The following LRRK1 variants were observed in gnomAD, a reference collection of about 807,000 sequenced individuals.
LRRK1 encodes leucine-rich repeat serine/threonine-protein kinase 1.
Under a neutral mutation model 209.1 loss-of-function variants are expected in LRRK1, and 113 were observed. The ratio of observed to expected loss-of-function variants is 0.54; its 90% CI spans 0.46 to 0.63. LRRK1 has a LOEUF of 0.63. Among genes scored for constraint, LRRK1 ranks in the 30% least tolerant of loss-of-function variants. The pLI is 0.00. For missense variants in LRRK1, 2,284 were observed against 2,632.2 expected (o/e 0.87, Z 2.89); for synonymous variants, 1,144 against 1,099.7 (o/e 1.04, Z -0.80).
chr15:101,053,838 C>T (rs1047280441), intron 26 of LRRK1, among the ~76,000 whole-genome samples: 9 of 152,062 alleles, frequency 5.9e-5, no homozygotes, highest in Admixed American at 1.3e-4. Flanking sequence ...CATAAAATGT[C>T]GAAGTAATTT....
At chr15:101,009,155 G>T (rs2033119497) in intron 7 of LRRK1, 92 bp downstream of exon 7, 2 of 1,044,922 alleles carry the variant, frequency 1.9e-6, no homozygotes, top group Non-Finnish European at 2.8e-6. Context: ...TTGTGGTTTT[G>T]GGGGAAAAAT....
rs1183751433 is a variant in LRRK1 at position 101,022,699 on chromosome 15, G to A, written c.2067+102G>A. The A allele has an allele frequency of 7.2e-6, 6 of 837,812 alleles. No individual in the cohort carries two copies. The highest frequency in any genetic ancestry group is 9.2e-6 in the Non-Finnish European group (5 of 543,292). 51.9% of individuals were successfully genotyped at this position (837,812 alleles called of 1,614,324 possible). A position where few individuals can be genotyped will look rare whatever the true frequency, so the allele number is the denominator to read the frequency against. ...GAGCCCAGGATTTTCTCAGCCTGGT[G>A]TCCAAAGCTCAGGCCCTTTGCAGGA... is the stretch of plus-strand genomic sequence containing the variant. On this transcript the variant is annotated intron_variant, in intron 15 of 33. Coordinates refer to ENST00000388948, the MANE Select transcript of LRRK1 (RefSeq NM_024652.6). The surrounding 1 kb of genome is among the most constrained non-coding windows in gnomAD (Gnocchi z 4.0).
Position 101,033,048 on chromosome 15 carries a change from T to A in LRRK1, c.2963+3816T>A, listed in dbSNP as rs564975480. ...GTTTCCCTGGTCCAAAGTCAAGGGG[T>A]CAGCAGGATCATGCTGCCTCTGAAG... On this transcript the variant is annotated intron_variant, in intron 20 of 33. Transcript: ENST00000388948. Among the ~76,000 whole-genome samples, 19 of 152,268 alleles carry A rather than the reference T, an allele frequency of 1.2e-4. No individual in the cohort carries two copies. In the South Asian group the frequency reaches 3.9e-3, roughly 32 times the overall value.
intron 3 of LRRK1, among the ~76,000 whole-genome samples, chr15:100,975,051 A>G (rs2031209305): frequency 6.6e-6 from 1 of 152,230 alleles, no homozygotes; most frequent in Non-Finnish European, 1.5e-5. Context: ...ATGCTTGGGA[A>G]TTGTTAAGCA....
In LRRK1 at chr15:101,046,023, C is replaced by T. The variant is rs374354572; in HGVS notation, c.3006C>T (p.Asp1002=). 3.5e-4 allele frequency: 557 copies of T among 1,614,190 alleles called. 1 individual carries two copies. The African/African-American group carries it at 6.4e-3, about 19-fold the overall frequency. ...TCCTTCCATCTAAACCTGGCCTGGACACCCACGGTATGCGGCACCCCACAG... is the reference window on the plus strand; with the variant it reads ...TCCTTCCATCTAAACCTGGCCTGGATACCCACGGTATGCGGCACCCCACAG... ...PHLLPSKPGL[D]THGMRHPTAN... is the part of the protein sequence containing the mutation. The change falls in exon 21 of 34, where the codon GAC becomes GAT. Residue 1002 remains aspartate, a synonymous_variant. Coordinates refer to ENST00000388948, the MANE Select transcript of LRRK1 (RefSeq NM_024652.6).
chr15:101,053,244 G>C lies in LRRK1; in HGVS notation c.3878G>C (p.Arg1293Pro). Reference protein sequence around the residue: ...VPADTMLRHLRATDAMKNFSE... With the variant: ...VPADTMLRHLPATDAMKNFSE... ...GCAGACACCATGCTGAGGCACCTGC[G>C]GGCCACCGATGCCATGAAGAACTTC... The change falls in exon 26 of 34, where the codon CGG becomes CCG. Residue 1293 changes from arginine to proline, a missense_variant. Physicochemically the swap from Arg to Pro is moderately radical, Grantham distance 103. Around this residue, in one of 6 missense-constraint regions of LRRK1, gnomAD observed 780 missense variants for 985.2 expected, o/e 0.79. Transcript: ENST00000388948. 1 of 1,606,326 alleles carries C rather than the reference G, an allele frequency of 6.2e-7. No individual in the cohort carries two copies. Among genetic ancestry groups the C allele is most frequent in the Non-Finnish European group, 8.5e-7 (1 of 1,179,952 alleles).
At chr15:100,934,598 T>G (rs2042262169) in intron 2 of LRRK1, among the ~76,000 whole-genome samples, 1 of 120,874 alleles carries the variant, frequency 8.3e-6, no homozygotes, top group South Asian at 2.7e-4. Context: ...GAGACCAGCC[T>G]GGCCAACATG....
chr15:101,033,262 C>G (rs919422980), intron 20 of LRRK1, among the ~76,000 whole-genome samples: 2 of 152,018 alleles, frequency 1.3e-5, no homozygotes, highest in Non-Finnish European at 2.9e-5. Flanking sequence ...AGTATTTATC[C>G]TTTCTATGTG....
intron 2 of LRRK1, among the ~76,000 whole-genome samples, chr15:100,973,561 C>T (rs1244248259): frequency 6.6e-6 from 1 of 152,176 alleles, no homozygotes; most frequent in African/African-American, 2.4e-5. Context: ...CTCCAGGTGG[C>T]GGTCTCGCTG....
rs553723294 is a variant in LRRK1, at chr15:101,026,748, C to G, written c.2406-513C>G. 1.6e-4 allele frequency among the ~76,000 whole-genome samples: 24 copies of G among 152,376 alleles called. No individual in the cohort carries two copies. The South Asian group carries it at 5.0e-3, about 32-fold the overall frequency. The stretch of plus-strand genomic sequence containing the variant: ...TGTGCCCTAATGGGAGTAAAATACA[C>G]TGCATATTGCATTATCTGCACTGAT... On this transcript the variant is annotated intron_variant, in intron 17 of 33. Transcript: ENST00000388948.
intron 2 of LRRK1, 111 bp from the exon 3 acceptor site, chr15:100,973,693 C>T: frequency 9.1e-7 from 1 of 1,097,788 alleles, no homozygotes; most frequent in Non-Finnish European, 1.2e-6. Flanking sequence ...TCCTGAAGCC[C>T]CCGCGATCGT....
chr15:100,930,826 T>G (rs1253966378), intron 2 of LRRK1, among the ~76,000 whole-genome samples: 2 of 152,208 alleles, frequency 1.3e-5, no homozygotes, highest in African/African-American at 4.8e-5. Context: ...CACTAGGGAT[T>G]TTTATGAAAT....
At position 101,022,301 on chromosome 15, in the gene LRRK1, T is replaced by G; in HGVS notation, c.1853-82T>G. The G allele has an allele frequency of 1.5e-6, 2 of 1,318,520 alleles. No homozygotes were observed. Among genetic ancestry groups the G allele is most frequent in the East Asian group, 2.3e-5 (1 of 43,136 alleles). The allele number at this position is 1,318,520 out of a possible 1,614,324, so 81.7% of individuals were successfully genotyped here. ...CCCCACTAAAACACAAAGAAGGAGT[T>G]CCTTCACAACAGGATTTTGTGTCCT... On this transcript the variant is annotated intron_variant, in intron 14 of 33. Transcript: ENST00000388948. This position sits in a 1 kb window ranked among gnomAD's most constrained non-coding sequence, Gnocchi z 4.0.
At chr15:101,034,302 T>C (rs1377588382) in intron 20 of LRRK1, among the ~76,000 whole-genome samples, 1 of 152,184 alleles carries the variant, frequency 6.6e-6, no homozygotes, top group Non-Finnish European at 1.5e-5. Context: ...GTTTGTGTTT[T>C]CGAGGTCTTA....
intron 2 of LRRK1, among the ~76,000 whole-genome samples, chr15:100,962,136 G>T (rs543964743): frequency 4.6e-5 from 7 of 151,584 alleles, no homozygotes. Flanking sequence ...TTAACATTTT[G>T]CTGGACATAC....
intron 2 of LRRK1, among the ~76,000 whole-genome samples, chr15:100,973,020 AC>A (rs1437058765): frequency 6.6e-6 from 1 of 152,094 alleles, no homozygotes; most frequent in Non-Finnish European, 1.5e-5. Context: ...CTCACTGTGA[AC>A]CCCTTCTAGA....
At chr15:100,972,363 AGTGTGTGTGTGTGTGT>A (rs139709615) in intron 2 of LRRK1, among the ~76,000 whole-genome samples, 28 of 98,496 alleles carry the variant, frequency 2.8e-4, no homozygotes, top group African/African-American at 1.2e-3. Flanking sequence ...AGAGAGAGAG[AGTGTGTGTGTGTGTGT>A]GTGTGTGTGT....
intron 2 of LRRK1, among the ~76,000 whole-genome samples, chr15:100,929,030 A>T (rs1203300449): frequency 6.6e-6 from 1 of 152,152 alleles, no homozygotes; most frequent in African/African-American, 2.4e-5. Context: ...TGTCAATGAG[A>T]TGCTGGGCAT....
chr15:100,967,517 T>C (rs111981372), intron 2 of LRRK1, among the ~76,000 whole-genome samples: 20 of 152,340 alleles, frequency 1.3e-4, no homozygotes, highest in Admixed American at 7.8e-4. Context: ...TTGCCTTTTT[T>C]CTTTCTGCAG....
Sources: allele counts gnomAD v4.1 joint callset (sites outside exome capture counted in the v4.1 genomes callset), GRCh38; gene constraint gnomAD v4.1.1; regional missense constraint gnomAD v4.1.1; non-coding constraint Gnocchi (gnomAD v3.1); transcripts MANE v1.5; gene names NCBI Gene and HGNC (gene_info 2026-07-23, HGNC 2026-07-21).